Variants in SFTPD observed in about 807,000 individuals in gnomAD.
SFTPD encodes surfactant protein D.
SFTPD carries 18 observed loss-of-function variants against 34.6 expected under a neutral mutation model. That is an observed-to-expected ratio of 0.52 (90% confidence interval 0.36 to 0.77). The LOEUF is 0.77. Ranked by LOEUF, SFTPD falls within the 30% of genes least tolerant of loss-of-function variation. The pLI is 0.00. For synonymous variants in SFTPD, 155 were observed against 180.9 expected (o/e 0.86, Z 1.15); for missense variants, 433 against 468.9 (o/e 0.92, Z 0.71).
At chr10:79,969,830 T>A (rs2265960) in intron 1 of SFTPD, 2 of 152,008 alleles carry the variant, frequency 1.3e-5, no homozygotes, top group African/African-American at 2.4e-5. Flanking sequence ...TCTCCCATTC[T>A]GTAGGTTCTT....
Position 79,942,792 on chromosome 10 carries a change from G to A in SFTPD, c.287C>T (p.Pro96Leu). ...TGGCCCAGTGTCTCCCTTTGGTCCA[G>A]GTTCTCCAACAGAGCCATTGTCCCC... ...PKGDNGSVGE[P>L]GPKGDTGPSG... The change falls in exon 3 of 8, where the codon CCT becomes CTT. Residue 96 changes from proline (P) to leucine (L), a missense_variant. Transcript: ENST00000372292. 2 of 1,613,304 alleles carry A rather than the reference G, an allele frequency of 1.2e-6. No individual in the cohort carries two copies. Among genetic ancestry groups the A allele is most frequent in the South Asian group, 2.2e-5 (2 of 91,072 alleles).
At chr10:79,954,909 T>C (rs1842730202) in intron 1 of SFTPD, among the ~76,000 whole-genome samples, 1 of 152,264 alleles carries the variant, frequency 6.6e-6, no homozygotes, top group East Asian at 1.9e-4. Context: ...CTTCTAGCAC[T>C]CCCATTATCT....
chr10:79,974,370 C>T (rs151158703), intron 1 of SFTPD, among the ~76,000 whole-genome samples: 2,799 of 151,870 alleles, frequency 0.018, 94 homozygotes, highest in African/African-American at 0.064. Flanking sequence ...CGGGGTTTCT[C>T]GATCTCCTGA....
chr10:79,976,519 C>A (rs920390131), intron 1 of SFTPD, among the ~76,000 whole-genome samples: 3 of 152,090 alleles, frequency 2.0e-5, no homozygotes, highest in Admixed American at 6.5e-5. Flanking sequence ...GTGATGGCAC[C>A]ACCACTGCCA....
chr10:79,939,719 G>A (rs1247471894), intron 7 of SFTPD, among the ~76,000 whole-genome samples: 1 of 152,230 alleles, frequency 6.6e-6, no homozygotes, highest in African/African-American at 2.4e-5. Flanking sequence ...TCATTTCAGA[G>A]CTTGGGTACT....
intron 7 of SFTPD, among the ~76,000 whole-genome samples, 170 bp from the exon 8 acceptor site, chr10:79,938,398 T>C (rs892053163): frequency 3.0e-4 from 45 of 152,188 alleles, no homozygotes; most frequent in African/African-American, 1.0e-3. Flanking sequence ...CCCCGTCCCA[T>C]GACCTACCCT....
intron 1 of SFTPD, among the ~76,000 whole-genome samples, chr10:79,962,443 A>T (rs1842778887): frequency 6.6e-6 from 1 of 152,170 alleles, no homozygotes; most frequent in Admixed American, 6.5e-5. Flanking sequence ...ATTTTTATAT[A>T]TACTTACATA....
At chr10:79,957,668 G>C (rs1402780425) in intron 1 of SFTPD, among the ~76,000 whole-genome samples, 2 of 152,224 alleles carry the variant, frequency 1.3e-5, no homozygotes, top group Admixed American at 6.5e-5. Context: ...CCAAATCTAT[G>C]TCTGATTGGT....
intron 1 of SFTPD, among the ~76,000 whole-genome samples, chr10:79,981,145 G>A (rs976242489): frequency 6.6e-6 from 1 of 152,104 alleles, no homozygotes; most frequent in Non-Finnish European, 1.5e-5. Context: ...TAATTTAAAA[G>A]AATCGAGCAG....
chr10:79,945,899 T>G (rs1025401177), intron 2 of SFTPD, among the ~76,000 whole-genome samples: 7 of 152,160 alleles, frequency 4.6e-5, no homozygotes, highest in Non-Finnish European at 1.0e-4. Context: ...CGAAGGAGAT[T>G]AATATGTCCC....
At chr10:79,961,502 T>G (rs1380506422) in intron 1 of SFTPD, among the ~76,000 whole-genome samples, 1 of 152,146 alleles carries the variant, frequency 6.6e-6, no homozygotes, top group African/African-American at 2.4e-5. Context: ...CAGACACTTC[T>G]CAAAAGAAGA....
chr10:79,953,888 A>C (rs1159140315), upstream of SFTPD, among the ~76,000 whole-genome samples: 2 of 151,824 alleles, frequency 1.3e-5, no homozygotes, highest in Non-Finnish European at 2.9e-5. Context: ...ATAATTTCAA[A>C]TGACCTGTCT....
Position 79,981,484 on chromosome 10 carries a change from A to T in SFTPD, c.36+1091T>A, listed in dbSNP as rs533074909. ...AAACCTATATAGGCCGGGCGGCGTG[A>T]GGGCTGGGGAACCTCCTCCCCGCCT... On this transcript the variant is annotated intron_variant, in intron 1 of 5. Coordinates refer to the SFTPD transcript ENST00000444384. Among the ~76,000 whole-genome samples the T allele has an allele frequency of 1.6e-4, 25 of 152,174 alleles. No individual in the cohort carries two copies. In the East Asian group the frequency reaches 4.9e-3, roughly 30 times the overall value.
upstream of SFTPD, among the ~76,000 whole-genome samples, chr10:79,952,791 T>A (rs1401347113): frequency 2.0e-5 from 3 of 152,164 alleles, no homozygotes; most frequent in Non-Finnish European, 2.9e-5. Context: ...AACTCAGGTT[T>A]TGGGGGAGAG....
At chr10:79,940,913 C>T (rs1842604712) in intron 6 of SFTPD, 125 bp from the exon 7 acceptor site, 1 of 638,044 alleles carries the variant, frequency 1.6e-6, no homozygotes, top group African/African-American at 1.8e-5. Flanking sequence ...CACAGCAAGC[C>T]CACATCTACT....
At chr10:79,958,271 T>C (rs1842751757) in intron 1 of SFTPD, among the ~76,000 whole-genome samples, 1 of 152,262 alleles carries the variant, frequency 6.6e-6, no homozygotes, top group East Asian at 1.9e-4. Context: ...GCTAACATCA[T>C]AATGACAGGA....
At chr10:79,947,038 C>G (rs948507527) in intron 1 of SFTPD, among the ~76,000 whole-genome samples, 1 of 152,206 alleles carries the variant, frequency 6.6e-6, no homozygotes, top group African/African-American at 2.4e-5. Context: ...GGGCAGGACA[C>G]CCCCCGCCCA....
chr10:79,941,957 C>T lies in SFTPD; in HGVS notation c.547G>A (p.Ala183Thr), dbSNP rs767020819. Residue 183 changes from alanine (A) to threonine (T), a missense_variant, in exon 5 of 8, where the codon GCA becomes ACA. Physicochemically the swap from Ala to Thr is moderately conservative, Grantham distance 58. Transcript: ENST00000372292. ...ERGVPGNTGA[A>T]GSAGAMGPQG... ...CCCAGCTCTTTCCACTGCTCACCTG[C>T]TGCCCCTGTGTTTCCAGGGACTCCA... 5 of 1,601,784 alleles carry T rather than the reference C, an allele frequency of 3.1e-6. No homozygotes were observed. In the African/African-American group the frequency reaches 4.0e-5, roughly 13 times the overall value.
intron 2 of SFTPD, among the ~76,000 whole-genome samples, chr10:79,945,925 G>A (rs1409621975): frequency 2.0e-5 from 3 of 152,162 alleles, no homozygotes; most frequent in East Asian, 3.8e-4. Context: ...AGACTCTTGG[G>A]AGGATTAAAT....
Sources: allele counts gnomAD v4.1 joint callset (sites outside exome capture counted in the v4.1 genomes callset), GRCh38; gene constraint gnomAD v4.1.1; transcripts MANE v1.5; gene names NCBI Gene and HGNC (gene_info 2026-07-23, HGNC 2026-07-21).